The following RBM6 variants were observed in gnomAD, a reference collection of about 807,000 sequenced individuals.
RBM6 encodes RNA binding motif protein 6, also known as RNA-binding protein 6.
In RBM6, 23 loss-of-function variants were observed where a neutral mutation model predicts 140.4. The observed-to-expected ratio is 0.16, with a 90% CI of 0.12 to 0.23. The LOEUF is 0.23. Among genes scored for constraint, RBM6 ranks in the 10% least tolerant of loss-of-function variants. The probability of loss-of-function intolerance (pLI) is 1.00; values close to 1 mark genes in which losing one functional copy is unlikely to be tolerated. For missense variants in RBM6, 1,139 were observed against 1,386.7 expected (o/e 0.82, Z 2.84); for synonymous variants, 439 against 475.6 (o/e 0.92, Z 1.00).
intron 6 of RBM6, among the ~76,000 whole-genome samples, chr3:50,009,702 T>C (rs775276227): frequency 1.1e-5 from 1 of 92,778 alleles, no homozygotes; most frequent in African/African-American, 4.1e-5. Context: ...GGACTACAGG[T>C]GTGCGCCACC....
intron 19 of RBM6, among the ~76,000 whole-genome samples, chr3:50,073,879 TC>T (rs2090381650): frequency 6.6e-6 from 1 of 151,694 alleles, no homozygotes; most frequent in Non-Finnish European, 1.5e-5. Flanking sequence ...TGAGACAGTC[TC>T]ATTCTGTCGC....
intron 1 of RBM6, among the ~76,000 whole-genome samples, chr3:49,961,796 C>G (rs1269470736): frequency 7.0e-6 from 1 of 141,934 alleles, no homozygotes; most frequent in Non-Finnish European, 1.5e-5. Context: ...GAGATTCTGT[C>G]TTTAAAAAAA....
intron 6 of RBM6, among the ~76,000 whole-genome samples, chr3:50,010,684 C>T (rs1314044372): frequency 6.6e-6 from 1 of 151,770 alleles, no homozygotes; most frequent in Non-Finnish European, 1.5e-5. Flanking sequence ...GGGCAGATCA[C>T]CTGAGGTCAG....
chr3:50,058,285 C>T, intron 9 of RBM6, 117 bp from the exon 10 acceptor site: 1 of 1,198,130 alleles, frequency 8.3e-7, no homozygotes, highest in Non-Finnish European at 1.2e-6. Flanking sequence ...CATTTTTTTA[C>T]AGAACCAGCC....
intron 1 of RBM6, 128 bp downstream of exon 1, chr3:49,940,353 G>A (rs116486986): frequency 0.021 from 3,198 of 152,558 alleles, 139 homozygotes; most frequent in African/African-American, 0.074. Context: ...CGGGGCGGCT[G>A]CGGCCTCGCT....
In RBM6 at chr3:49,982,400, G is replaced by A. The variant is rs150014035; in HGVS notation, c.1483+7008G>A. ...TGGGACTACAGGCGTGTGCCACCAT[G>A]CCTGGTTAATGTAAATTTGTTTGGT... On this transcript the variant is annotated intron_variant, in intron 5 of 20. Transcript: ENST00000266022. Among the ~76,000 whole-genome samples, 5 of 149,696 alleles carry A rather than the reference G, an allele frequency of 3.3e-5. No homozygotes were observed. In the East Asian group the frequency reaches 9.9e-4, roughly 30 times the overall value.
chr3:49,978,258 C>T (rs2085149857), intron 5 of RBM6, among the ~76,000 whole-genome samples: 1 of 152,130 alleles, frequency 6.6e-6, no homozygotes, highest in African/African-American at 2.4e-5. Context: ...GCCTCATCCT[C>T]CCACAGTGCT....
chr3:50,067,440 C>G (rs11916999), intron 17 of RBM6, among the ~76,000 whole-genome samples: 12,022 of 152,180 alleles, frequency 0.079, 526 homozygotes, highest in African/African-American at 0.1. Context: ...TGCTGGGTTT[C>G]TCATCTTAGC....
At chr3:49,980,864 A>G (rs1030038670) in intron 5 of RBM6, among the ~76,000 whole-genome samples, 10 of 151,978 alleles carry the variant, frequency 6.6e-5, no homozygotes, top group Admixed American at 6.6e-4. Context: ...ATTATTTCCA[A>G]TAAAAAGTTG....
chr3:50,066,861 A>T lies in RBM6; in HGVS notation c.2943+359A>T, dbSNP rs561297213. Reference sequence around the variant, plus strand: ...CAAAACAAAACAAAACTGTTGACTCATATTATTGATGGGGATTATGGGGAA... The same window carrying T: ...CAAAACAAAACAAAACTGTTGACTCTTATTATTGATGGGGATTATGGGGAA... On this transcript the variant is annotated intron_variant, in intron 17 of 20. Coordinates refer to ENST00000266022, the MANE Select transcript of RBM6 (RefSeq NM_005777.3). Among the ~76,000 whole-genome samples, 18 of 99,016 alleles carry T rather than the reference A, an allele frequency of 1.8e-4. No homozygotes were observed. In the East Asian group the frequency reaches 4.7e-3, roughly 26 times the overall value. The allele number at this position is 99,016 out of a possible 152,430, so 65.0% of individuals were successfully genotyped here.
chr3:49,974,566 G>GT (rs1464325295), intron 4 of RBM6, among the ~76,000 whole-genome samples: 6 of 150,470 alleles, frequency 4.0e-5, no homozygotes, highest in Non-Finnish European at 7.4e-5. Flanking sequence ...TAGAAACGGG[G>GT]TTTTACCGTG....
chr3:50,032,400 GT>G (rs2088223051), intron 6 of RBM6, among the ~76,000 whole-genome samples: 1 of 149,546 alleles, frequency 6.7e-6, no homozygotes, highest in East Asian at 2.0e-4. Context: ...AGGAGAATTG[GT>G]TGAACCCAGG....
chr3:49,996,059 TCTCA>T (rs1386048816), intron 5 of RBM6, among the ~76,000 whole-genome samples: 3 of 152,164 alleles, frequency 2.0e-5, no homozygotes, highest in Non-Finnish European at 4.4e-5. Flanking sequence ...CACCCTGTTT[TCTCA>T]CTCCTGGAGT....
In RBM6 at chr3:50,070,408, A is replaced by G. The variant is rs760903273; in HGVS notation, c.3019-47A>G. Reference sequence around the variant, plus strand: ...TGGGGTAGAATTTCCCCACTCCCCAATTCCCTCAGGTGGCAATCTCAGGTC... The same window carrying G: ...TGGGGTAGAATTTCCCCACTCCCCAGTTCCCTCAGGTGGCAATCTCAGGTC... On this transcript the variant is annotated intron_variant, in intron 18 of 20. Transcript: ENST00000266022. 51 of 1,377,272 alleles carry G rather than the reference A, an allele frequency of 3.7e-5. No individual in the cohort carries two copies. Among genetic ancestry groups the G allele is most frequent in the Admixed American group, 2.4e-4 (14 of 59,472 alleles). 85.3% of individuals were successfully genotyped at this position (1,377,272 alleles called of 1,614,324 possible).
intron 6 of RBM6, among the ~76,000 whole-genome samples, chr3:50,006,863 C>T (rs1449547639): frequency 2.0e-5 from 3 of 148,726 alleles, no homozygotes; most frequent in South Asian, 2.1e-4. Context: ...AACTGGGAGG[C>T]GGAGCTTGCA....
At chr3:50,060,806 T>A in intron 11 of RBM6, 150 bp from the exon 12 acceptor site, 1 of 539,522 alleles carries the variant, frequency 1.9e-6, no homozygotes, top group East Asian at 3.2e-5. Context: ...TTCAGGAGTG[T>A]CTGGACCACC....
At chr3:50,027,517 C>G (rs541558364) in intron 6 of RBM6, among the ~76,000 whole-genome samples, 128 of 152,282 alleles carry the variant, frequency 8.4e-4, no homozygotes, top group Non-Finnish European at 1.4e-3. Context: ...TTCTCTACCC[C>G]CAGTCATCTG....
intron 6 of RBM6, among the ~76,000 whole-genome samples, chr3:50,034,403 G>C (rs761698295): frequency 6.6e-6 from 1 of 151,874 alleles, no homozygotes; most frequent in Non-Finnish European, 1.5e-5. Flanking sequence ...CTCTCTTTTT[G>C]TCTCTCTTCA....
chr3:50,001,410 C>T (rs2086320532), intron 6 of RBM6, among the ~76,000 whole-genome samples: 1 of 152,186 alleles, frequency 6.6e-6, no homozygotes, highest in South Asian at 2.1e-4. Flanking sequence ...TGTGATCACT[C>T]TGCTGCACTC....
Sources: gnomAD v4.1 joint callset for allele counts (sites outside exome capture counted in the v4.1 genomes callset) on GRCh38, gnomAD v4.1.1 for gene constraint, MANE v1.5 for transcripts, NCBI Gene and HGNC (gene_info 2026-07-23, HGNC 2026-07-21) for gene names.